SLC12A5: variants seen among roughly 807,000 people sequenced by gnomAD.
The protein encoded by SLC12A5 is K-Cl cotransporter 2.
SLC12A5 carries 18 observed loss-of-function variants against 124.0 expected under a neutral mutation model. The observed-to-expected ratio is 0.15, with a 90% CI of 0.10 to 0.22. The LOEUF is 0.22. SLC12A5 is among the 10% of genes least tolerant of loss of function. SLC12A5 has a pLI of 1.00. For synonymous variants in SLC12A5, 589 were observed against 568.0 expected (o/e 1.04, Z -0.53); for missense variants, 867 against 1,478.7 (o/e 0.59, Z 6.78).
rs1032868116 is a variant in SLC12A5, at chr20:46,058,181, C to T, written c.*576C>T. The T allele has an allele frequency of 3.2e-6, 1 of 315,794 alleles. No individual in the cohort carries two copies. Among genetic ancestry groups the T allele is most frequent in the Non-Finnish European group, 5.7e-6 (1 of 174,202 alleles). 19.6% of individuals were successfully genotyped at this position (315,794 alleles called of 1,614,324 possible). A position where few individuals can be genotyped will look rare whatever the true frequency, so the allele number is the denominator to read the frequency against. ...CCCCATATTTATGTGACTAGAAGCG[C>T]AACAGACTTCTCGCCATAGTCGAGC... On this transcript the variant is annotated 3_prime_UTR_variant, in exon 26 of 26. Coordinates refer to ENST00000243964, the MANE Select transcript of SLC12A5 (RefSeq NM_020708.5). This position sits in a 1 kb window ranked among gnomAD's most constrained non-coding sequence, Gnocchi z 5.8.
chr20:46,047,203 G>C (rs2084603387), intron 14 of SLC12A5, among the ~76,000 whole-genome samples: 1 of 152,244 alleles, frequency 6.6e-6, no homozygotes, highest in Admixed American at 6.5e-5. Flanking sequence ...GAGGAACAGG[G>C]ACAGGGTGGT....
chr20:46,035,595 TG>T, intron 3 of SLC12A5, 60 bp downstream of exon 3: 3 of 480,898 alleles, frequency 6.2e-6, no homozygotes, highest in Non-Finnish European at 1.0e-5. Context: ...TGGGGGAGGA[TG>T]GGGGAGGAAA....
chr20:46,047,600 T>A, intron 15 of SLC12A5, 27 bp downstream of exon 15: 1 of 1,586,572 alleles, frequency 6.3e-7, no homozygotes, highest in Non-Finnish European at 8.6e-7. Context: ...GAGGTTGGGG[T>A]GGCTGGGGAA....
chr20:46,040,994 A>G (rs777841774), intron 7 of SLC12A5: 1 of 396,084 alleles, frequency 2.5e-6, no homozygotes, highest in Non-Finnish European at 4.6e-6. Flanking sequence ...ATGGGAAAAG[A>G]CACAGAAGTC....
Position 46,059,798 on chromosome 20 carries a change from G to A in SLC12A5, c.*2193G>A. 2 of 396,748 alleles carry A rather than the reference G, an allele frequency of 5.0e-6. No homozygotes were observed. The highest frequency in any genetic ancestry group is 8.9e-6 in the Non-Finnish European group (2 of 225,182). 24.6% of individuals were successfully genotyped at this position (396,748 alleles called of 1,614,324 possible). A position where few individuals can be genotyped will look rare whatever the true frequency, so the allele number is the denominator to read the frequency against. On this transcript the variant is annotated 3_prime_UTR_variant, in exon 26 of 26. Coordinates refer to ENST00000243964, the MANE Select transcript of SLC12A5 (RefSeq NM_020708.5). ...TTATTCTGAGTGCAATATTTCAATA[G>A]CCTTGTAGTGATAACTAGTGTTGCT...
chr20:46,021,890 G>A, intron 1 of SLC12A5: 1 of 1,523,386 alleles, frequency 6.6e-7, no homozygotes, highest in Non-Finnish European at 8.8e-7. Flanking sequence ...GTCAAAGGTA[G>A]AGGCCGCAGG....
At chr20:46,052,895 T>C in intron 18 of SLC12A5, 62 bp from the exon 19 acceptor site, 3 of 1,509,320 alleles carry the variant, frequency 2.0e-6, no homozygotes, top group Non-Finnish European at 2.7e-6. Context: ...TGGCTGCTGC[T>C]GGGTGTTGGG....
Position 46,029,380 on chromosome 20 carries a change from T to C in SLC12A5, c.36T>C (p.Asp12=), listed in dbSNP as rs998267168. ...LNNLTDCEDG[D]GGANPGDGNP... is the part of the protein sequence containing the mutation. Reference sequence around the variant, plus strand: ...ACCTGACGGACTGCGAGGACGGCGATGGGGGAGCCAACCCGGGTAAGCTGT... The same window carrying C: ...ACCTGACGGACTGCGAGGACGGCGACGGGGGAGCCAACCCGGGTAAGCTGT... Residue 12 remains aspartate, a synonymous_variant, in exon 1 of 26, where the codon GAT becomes GAC. Transcript: ENST00000243964. 64 of 1,513,534 alleles carry C rather than the reference T, an allele frequency of 4.2e-5. No individual in the cohort carries two copies. In the East Asian group the frequency reaches 4.5e-4, roughly 11 times the overall value. 93.8% of individuals were successfully genotyped at this position (1,513,534 alleles called of 1,614,324 possible). A position where few individuals can be genotyped will look rare whatever the true frequency, so the allele number is the denominator to read the frequency against.
At chr20:46,035,733 G>A (rs200843349) in intron 3 of SLC12A5, 44 bp from the exon 4 acceptor site, 107 of 1,581,446 alleles carry the variant, frequency 6.8e-5, no homozygotes, top group South Asian at 4.5e-4. Context: ...TGGGGTGTTC[G>A]TAATGATGAG....
At chr20:46,042,072 C>T (rs993792986) in intron 8 of SLC12A5, among the ~76,000 whole-genome samples, 1 of 152,126 alleles carries the variant, frequency 6.6e-6, no homozygotes, top group Non-Finnish European at 1.5e-5. Context: ...TAAAAGCAGG[C>T]AGAGGCAGAA....
At chr20:46,055,552 G>A (rs1220895837) in intron 21 of SLC12A5, among the ~76,000 whole-genome samples, 2 of 152,116 alleles carry the variant, frequency 1.3e-5, no homozygotes, top group East Asian at 3.9e-4. Context: ...CCAGAGTATG[G>A]ATGAAAGACC....
chr20:46,028,974 G>T (rs573592789), upstream of SLC12A5: 24 of 295,828 alleles, frequency 8.1e-5, no homozygotes, highest in South Asian at 1.7e-3. Flanking sequence ...CCTGTCCCCC[G>T]AAGCACCCCC....
rs750376604 is a variant in SLC12A5 at position 46,057,290 on chromosome 20, T to C, written c.3246T>C (p.Asn1082=). 8 of 1,614,042 alleles carry C rather than the reference T, an allele frequency of 5.0e-6. No individual in the cohort carries two copies. In the Admixed American group the frequency reaches 1.2e-4, roughly 24 times the overall value. Residue 1082 remains asparagine, a synonymous_variant, in exon 25 of 26, where the codon AAT becomes AAC. Coordinates refer to ENST00000243964, the MANE Select transcript of SLC12A5 (RefSeq NM_020708.5). The surrounding 1 kb of genome is among the most constrained non-coding windows in gnomAD (Gnocchi z 7.1). ...LNMPGPPRNR[N]GDENYMEFLE... ...TGCCTGGGCCTCCCCGCAACCGCAA[T>C]GGTGATGAAAACTGTATCCTGGAAT...
rs2084728988 is a variant in SLC12A5 at position 46,059,278 on chromosome 20, T to G, written c.*1673T>G. On this transcript the variant is annotated 3_prime_UTR_variant, in exon 26 of 26. Coordinates refer to ENST00000243964, the MANE Select transcript of SLC12A5 (RefSeq NM_020708.5). ...CCGGACCTCACCACCTCTTTTCCTT[T>G]GAGCCCAAGGCAGAGCTGGAGCTGG... 6.5e-6 allele frequency: 2 copies of G among 306,906 alleles called. No homozygotes were observed. The highest frequency in any genetic ancestry group is 1.2e-5 in the Non-Finnish European group (2 of 168,068). The allele number at this position is 306,906 out of a possible 1,614,324, so 19.0% of individuals were successfully genotyped here.
rs761978120 is a variant in SLC12A5, at chr20:46,057,126, A to AC, written c.3126-37dup. 280 of 1,607,958 alleles carry AC rather than the reference A, an allele frequency of 1.7e-4. 1 individual carries two copies. The East Asian group carries it at 3.6e-3, about 20-fold the overall frequency. On this transcript the variant is annotated intron_variant, in intron 24 of 25. Transcript: ENST00000243964. This position sits in a 1 kb window ranked among gnomAD's most constrained non-coding sequence, Gnocchi z 7.1. ...AGGGCGACTGGCTCCAATCTTCTCT[A>AC]CCCCCCCGGCTCACGCGGTCTCCAC...
At chr20:46,034,869 T>A in intron 1 of SLC12A5, 79 bp from the exon 2 acceptor site, 2 of 1,283,966 alleles carry the variant, frequency 1.6e-6, no homozygotes, top group Non-Finnish European at 2.3e-6. Flanking sequence ...AGAGGGCTAC[T>A]GTGGCTACAC....
intron 1 of SLC12A5, among the ~76,000 whole-genome samples, chr20:46,032,307 G>A (rs2084460740): frequency 1.3e-5 from 2 of 152,252 alleles, no homozygotes; most frequent in South Asian, 4.1e-4. Flanking sequence ...GAAGGAGGAG[G>A]CGCTTGGGAG....
chr20:46,029,156 G>C, upstream of SLC12A5: 1 of 1,404,360 alleles, frequency 7.1e-7, no homozygotes, highest in Non-Finnish European at 9.2e-7. Context: ...CTGAGAGGGG[G>C]CGCGCGCGGG....
At chr20:46,035,339 C>A in intron 2 of SLC12A5, 65 bp from the exon 3 acceptor site, 1 of 1,565,566 alleles carries the variant, frequency 6.4e-7, no homozygotes, top group South Asian at 1.2e-5. Context: ...TTCCTCTGCC[C>A]TTCGCCACCC....
Sources: allele counts gnomAD v4.1 joint callset (sites outside exome capture counted in the v4.1 genomes callset), GRCh38; gene constraint gnomAD v4.1.1; non-coding constraint Gnocchi (gnomAD v3.1); transcripts MANE v1.5; gene names NCBI Gene and HGNC (gene_info 2026-07-23, HGNC 2026-07-21).